Variants in RCAN2 observed in about 807,000 individuals in gnomAD.
RCAN2 encodes the protein regulator of calcineurin 2.
In RCAN2, 9 loss-of-function variants were observed where a neutral mutation model predicts 23.6. The ratio of observed to expected loss-of-function variants is 0.38; its 90% CI spans 0.23 to 0.67. The LOEUF (loss-of-function observed/expected upper bound fraction) is 0.67. Ranked by LOEUF, RCAN2 falls within the 30% of genes least tolerant of loss-of-function variation. The pLI, the probability that RCAN2 is intolerant of heterozygous loss-of-function variation, is 0.51. For missense variants in RCAN2, 273 were observed against 302.3 expected, an observed-to-expected ratio of 0.90 and a Z score of 0.72; for synonymous variants, 109 against 115.7, an observed-to-expected ratio of 0.94 and a Z score of 0.37.
intron 2 of RCAN2, among the ~76,000 whole-genome samples, chr6:46,261,716 C>G (rs937092784): frequency 6.6e-6 from 1 of 152,088 alleles, no homozygotes; most frequent in African/African-American, 2.4e-5. Flanking sequence ...CCTATGAAAT[C>G]AACTCTAATT....
intron 1 of RCAN2, among the ~76,000 whole-genome samples, chr6:46,490,924 G>A (rs899919070): frequency 1.3e-5 from 2 of 151,980 alleles, no homozygotes; most frequent in East Asian, 2.0e-4. Context: ...CTAGAGGGGG[G>A]TCGCGGGAGA....
At chr6:46,236,654 A>C (rs1385663857) in intron 4 of RCAN2, among the ~76,000 whole-genome samples, 2 of 152,292 alleles carry the variant, frequency 1.3e-5, no homozygotes, top group Admixed American at 6.5e-5. Flanking sequence ...GTCATTACTA[A>C]CATACTTGAG....
At chr6:46,316,602 A>G (rs1393183180) in intron 2 of RCAN2, among the ~76,000 whole-genome samples, 1 of 152,244 alleles carries the variant, frequency 6.6e-6, no homozygotes, top group East Asian at 1.9e-4. Context: ...CAATGGGATT[A>G]TACATCCCTA....
chr6:46,314,359 CAAAAAAAAAAAA>C (rs537111154), intron 2 of RCAN2, among the ~76,000 whole-genome samples: 1 of 92,218 alleles, frequency 1.1e-5, no homozygotes, highest in African/African-American at 3.9e-5. Context: ...GAGACTCTGT[CAAAAAAAAAAAA>C]AAAAAAAAGA....
intron 2 of RCAN2, among the ~76,000 whole-genome samples, chr6:46,396,036 C>A (rs911240518): frequency 1.3e-5 from 2 of 152,144 alleles, no homozygotes; most frequent in Non-Finnish European, 2.9e-5. Flanking sequence ...TTATTATAAC[C>A]TTATTTCAAC....
intron 2 of RCAN2, among the ~76,000 whole-genome samples, chr6:46,403,790 C>A (rs1287022979): frequency 6.6e-6 from 1 of 151,926 alleles, no homozygotes; most frequent in Non-Finnish European, 1.5e-5. Context: ...TAGTAAAAAA[C>A]GTTTTACAAA....
chr6:46,478,571 T>C (rs1054978954), intron 1 of RCAN2, among the ~76,000 whole-genome samples: 2 of 152,172 alleles, frequency 1.3e-5, no homozygotes, highest in Non-Finnish European at 2.9e-5. Context: ...TATGTCCACA[T>C]GCTATACAAT....
intron 2 of RCAN2, among the ~76,000 whole-genome samples, chr6:46,407,448 C>A (rs1327747632): frequency 6.6e-6 from 1 of 152,168 alleles, no homozygotes; most frequent in Non-Finnish European, 1.5e-5. Context: ...TTACGCAAGT[C>A]CCCATGGAAA....
rs1317520366 is a variant in RCAN2 at position 46,325,365 on chromosome 6, A to G, written c.226-76469T>C. Reference sequence around the variant, plus strand: ...GCCAAGCAGCGTCAGTAACAGCAACAATGAAAAATAAGATTGCAGGTGCAT... The same window carrying G: ...GCCAAGCAGCGTCAGTAACAGCAACGATGAAAAATAAGATTGCAGGTGCAT... On this transcript the variant is annotated intron_variant, in intron 2 of 4. Transcript: ENST00000371374. 8 of 1,612,518 alleles carry G rather than the reference A, an allele frequency of 5.0e-6. 1 individual carries two copies. Among genetic ancestry groups the G allele is most frequent in the Admixed American group, 1.7e-5 (1 of 59,654 alleles).
intron 2 of RCAN2, among the ~76,000 whole-genome samples, chr6:46,364,008 T>C (rs1462284681): frequency 6.6e-6 from 1 of 152,146 alleles, no homozygotes; most frequent in African/African-American, 2.4e-5. Flanking sequence ...AGAAAAAAAT[T>C]CACTGAATCT....
chr6:46,410,220 G>T (rs1017377902), intron 2 of RCAN2, among the ~76,000 whole-genome samples: 2 of 152,150 alleles, frequency 1.3e-5, no homozygotes, highest in African/African-American at 4.8e-5. Context: ...GACTTGAACT[G>T]AGCCATGCTA....
chr6:46,263,489 G>GTGTC (rs1767194048), intron 2 of RCAN2, among the ~76,000 whole-genome samples: 1 of 140,762 alleles, frequency 7.1e-6, no homozygotes, highest in Admixed American at 7.1e-5. Flanking sequence ...GTGTGTGTGT[G>GTGTC]TGTGTATGTG....
chr6:46,355,199 C>A (rs1348069074), intron 2 of RCAN2, among the ~76,000 whole-genome samples: 1 of 152,126 alleles, frequency 6.6e-6, no homozygotes, highest in Non-Finnish European at 1.5e-5. Context: ...TTAAAGTAAA[C>A]TTCTTATAAT....
In RCAN2 at chr6:46,306,480, A is replaced by G. The variant is rs72863273; in HGVS notation, c.226-57584T>C. Among the ~76,000 whole-genome samples, 1,192 of 152,288 alleles carry G rather than the reference A, an allele frequency of 7.8e-3. 8 individuals carry two copies. The highest frequency in any genetic ancestry group is 0.044 in the Middle Eastern group (13 of 294). ...CTAGCATTCTACACAGTTTCAAAGG[A>G]TATAAGGCAACTTAGAATGGTAAGG... is the stretch of plus-strand genomic sequence containing the variant. On this transcript the variant is annotated intron_variant, in intron 2 of 4. Coordinates refer to ENST00000371374, the MANE Select transcript of RCAN2 (RefSeq NM_001251974.2).
intron 4 of RCAN2, among the ~76,000 whole-genome samples, chr6:46,240,587 G>C (rs569134129): frequency 6.6e-6 from 1 of 152,232 alleles, no homozygotes; most frequent in South Asian, 2.1e-4. Flanking sequence ...GACACTCACT[G>C]TTTTACTTGC....
intron 2 of RCAN2, among the ~76,000 whole-genome samples, chr6:46,414,249 G>A (rs1766636656): frequency 6.6e-6 from 1 of 152,142 alleles, no homozygotes; most frequent in Admixed American, 6.6e-5. Context: ...TATAAATGAG[G>A]AACAATAGCT....
At chr6:46,380,755 A>C (rs981232592) in intron 2 of RCAN2, among the ~76,000 whole-genome samples, 32 of 152,212 alleles carry the variant, frequency 2.1e-4, no homozygotes, top group African/African-American at 7.5e-4. Context: ...CAAAATGGGG[A>C]TAATTCTACC....
intron 2 of RCAN2, among the ~76,000 whole-genome samples, chr6:46,356,306 T>C (rs1054742419): frequency 6.6e-6 from 1 of 152,158 alleles, no homozygotes; most frequent in Non-Finnish European, 1.5e-5. Context: ...CTGGGGTCAG[T>C]GATGGGCCTC....
intron 2 of RCAN2, among the ~76,000 whole-genome samples, chr6:46,398,437 T>G (rs1006453065): frequency 1.3e-5 from 2 of 152,148 alleles, no homozygotes; most frequent in African/African-American, 4.8e-5. Context: ...TTATTATTAT[T>G]ATGAGAATTT....
Sources: allele counts gnomAD v4.1 joint callset (sites outside exome capture counted in the v4.1 genomes callset), GRCh38; gene constraint gnomAD v4.1.1; transcripts MANE v1.5; gene names NCBI Gene and HGNC (gene_info 2026-07-23, HGNC 2026-07-21).